TRRAP: variants seen among roughly 807,000 people sequenced by gnomAD.
The protein encoded by TRRAP is transformation/transcription domain associated protein.
Under a neutral mutation model 438.8 loss-of-function variants are expected in TRRAP, and 41 were observed. The ratio of observed to expected loss-of-function variants is 0.09; its 90% confidence interval spans 0.07 to 0.12. TRRAP has a LOEUF of 0.12. TRRAP is among the 10% of genes least tolerant of loss of function. TRRAP has a pLI of 1.00. For synonymous variants in TRRAP, 1,994 were observed against 1,962.9 expected, an observed-to-expected ratio of 1.02 and a Z score of -0.42; for missense variants, 3,122 against 5,055.1, an observed-to-expected ratio of 0.62 and a Z score of 11.60.
chr7:98,899,064 C>G (rs1376120773), intron 8 of TRRAP, among the ~76,000 whole-genome samples: 1 of 152,086 alleles, frequency 6.6e-6, no homozygotes, highest in African/African-American at 2.4e-5. Flanking sequence ...TGGTTCATGC[C>G]TGTAATCCCA....
rs782383344 is a variant in TRRAP, at chr7:98,915,758, G to A, written c.2235G>A (p.Glu745=). 1.2e-6 allele frequency: 2 copies of A among 1,614,006 alleles called. No individual in the cohort carries two copies. Among genetic ancestry groups the A allele is most frequent in the African/African-American group, 2.7e-5 (2 of 74,926 alleles). ...ACAAGATTGTGAACAGCTCTATGGA[G>A]CTCGCGCAGACTGCCAAGGAACCCT... The part of the protein sequence containing the change: ...HLHKIVNSSM[E]LAQTAKEPYN... The change falls in exon 19 of 73, where the codon GAG becomes GAA. Residue 745 remains glutamate (E), a synonymous_variant. Transcript: ENST00000456197.
Position 98,978,263 on chromosome 7 carries a change from G to A in TRRAP, c.8438G>A (p.Arg2813Lys), listed in dbSNP as rs1792760486. 4.3e-6 allele frequency: 7 copies of A among 1,614,192 alleles called. No homozygotes were observed. Among genetic ancestry groups the A allele is most frequent in the Non-Finnish European group, 5.9e-6 (7 of 1,180,046 alleles). Residue 2813 changes from arginine to lysine, a missense_variant, in exon 57 of 73, where the codon AGG (arginine) becomes AAG (lysine). Physicochemically the swap from Arg to Lys is conservative, Grantham distance 26 (BLOSUM62 2). Around this residue, in one of 24 missense-constraint regions of TRRAP, gnomAD observed 992 missense variants for 1,281.2 expected, o/e 0.77. Coordinates refer to ENST00000456197, the MANE Select transcript of TRRAP (RefSeq NM_001375524.1). The part of the protein sequence containing the change: ...AMDKAKKEHE[R>K]SNASPAIFPE... ...GATAAAGCCAAAAAAGAACATGAGA[G>A]GAGTAACGCCTCCCCTGCTATTTTC...
chr7:98,945,667 C>A, intron 31 of TRRAP, 80 bp from the exon 32 acceptor site: 1 of 1,535,362 alleles, frequency 6.5e-7, no homozygotes, highest in Non-Finnish European at 8.8e-7. Context: ...CCCAATAACC[C>A]TTACTGTGTT....
intron 1 of TRRAP, 24 bp from the exon 2 acceptor site, chr7:98,881,066 C>G: frequency 8.6e-7 from 1 of 1,158,222 alleles, no homozygotes; most frequent in Non-Finnish European, 1.2e-6. Flanking sequence ...CATAAATTGA[C>G]TAACTCTATG....
intron 44 of TRRAP, among the ~76,000 whole-genome samples, chr7:98,958,600 T>C (rs1791737384): frequency 6.6e-6 from 1 of 152,156 alleles, no homozygotes; most frequent in South Asian, 2.1e-4. Context: ...GTGCCTGGCC[T>C]GATAGGATTT....
In TRRAP at chr7:98,994,395, C is replaced by T. The variant is rs563000577; in HGVS notation, c.10048-192C>T. Among the ~76,000 whole-genome samples the T allele has an allele frequency of 7.7e-4, 118 of 152,346 alleles. No homozygotes were observed. Among genetic ancestry groups the T allele is most frequent in the Middle Eastern group, 3.4e-3 (1 of 294 alleles). ...CCTTACTCCCCAAGGTCAAAAGCGC[C>T]TGCTCCCATGTGGCATGCACAGGCG... On this transcript the variant is annotated intron_variant, in intron 66 of 72. Coordinates refer to ENST00000456197, the MANE Select transcript of TRRAP (RefSeq NM_001375524.1). The surrounding 1 kb of genome is among the most constrained non-coding windows in gnomAD (Gnocchi z 4.8).
chr7:98,910,618 G>C lies in TRRAP; in HGVS notation c.1812+11G>C, dbSNP rs1562937212. On this transcript the variant is annotated intron_variant, in intron 16 of 72. Coordinates refer to ENST00000456197, the MANE Select transcript of TRRAP (RefSeq NM_001375524.1). ...TTAGATATTTATCAGGTAAGGAAGT[G>C]CCCTCCAGCCAGGCTTTCGCATATG... 1 of 1,603,302 alleles carries C rather than the reference G, an allele frequency of 6.2e-7. No individual in the cohort carries two copies. Among genetic ancestry groups the C allele is most frequent in the Non-Finnish European group, 8.5e-7 (1 of 1,175,196 alleles).
Position 98,908,379 on chromosome 7 carries a change from G to C in TRRAP, c.1116-349G>C, listed in dbSNP as rs1796887259. On this transcript the variant is annotated intron_variant, in intron 13 of 72. Coordinates refer to ENST00000456197, the MANE Select transcript of TRRAP (RefSeq NM_001375524.1). This position sits in a 1 kb window ranked among gnomAD's most constrained non-coding sequence, Gnocchi z 4.1. ...CTGTAAAGTGGTCATCATATATAAA[G>C]ATTGATTGACCCGTCCTATTTATTT... Among the ~76,000 whole-genome samples the C allele has an allele frequency of 6.6e-6, 1 of 152,150 alleles. No individual in the cohort carries two copies. The highest frequency in any genetic ancestry group is 6.5e-5 in the Admixed American group (1 of 15,274).
At chr7:98,903,290 T>TAA in intron 11 of TRRAP, 89 bp from the exon 12 acceptor site, 1 of 1,539,138 alleles carries the variant, frequency 6.5e-7, no homozygotes, top group Non-Finnish European at 8.8e-7. Context: ...CCAAAGGTCT[T>TAA]ACTGAATTTT....
chr7:98,973,208 G>T (rs1032154932), intron 53 of TRRAP, among the ~76,000 whole-genome samples: 3 of 152,136 alleles, frequency 2.0e-5, no homozygotes, highest in African/African-American at 7.2e-5. Context: ...TTGAACTCCT[G>T]ACCTCAGGTG....
chr7:98,910,215 CCTGCCCCACCT>C lies in TRRAP; in HGVS notation c.1512_1522del (p.Ala505ThrfsTer64). ...CCCTGCTCCCTCCCCAGCCCCTGTC[CCTGCCCCACCT>C]CCACCCCCGCCCCCACCCCCACCTG... On this transcript the variant is annotated frameshift_variant, in exon 15 of 73. Transcript: ENST00000456197. LOFTEE classifies it high-confidence loss of function. 1 of 1,554,422 alleles carries C rather than the reference CCTGCCCCACCT, an allele frequency of 6.4e-7. No homozygotes were observed. The highest frequency in any genetic ancestry group is 2.3e-5 in the East Asian group (1 of 43,946).
intron 63 of TRRAP, among the ~76,000 whole-genome samples, chr7:98,989,822 G>A (rs766648962): frequency 9.2e-5 from 14 of 152,254 alleles, no homozygotes; most frequent in Admixed American, 2.6e-4. Flanking sequence ...ATGAGATCAT[G>A]AGTGTAGGTT....
intron 31 of TRRAP, among the ~76,000 whole-genome samples, chr7:98,944,466 G>A (rs1437406390): frequency 2.6e-5 from 4 of 152,152 alleles, no homozygotes; most frequent in Admixed American, 6.5e-5. Flanking sequence ...AGCTCCTCCT[G>A]GAACATTTTT....
intron 30 of TRRAP, among the ~76,000 whole-genome samples, chr7:98,942,059 T>C (rs1350179499): frequency 6.6e-6 from 1 of 152,222 alleles, no homozygotes; most frequent in Non-Finnish European, 1.5e-5. Context: ...TATTGAATGC[T>C]CTTCTTGTGG....
At chr7:98,901,778 GC>G (rs1796481056) in intron 11 of TRRAP, among the ~76,000 whole-genome samples, 1 of 152,148 alleles carries the variant, frequency 6.6e-6, no homozygotes, top group Non-Finnish European at 1.5e-5. Context: ...TGAACCCCTG[GC>G]CTCAAGTGAT....
chr7:98,976,399 G>A lies in TRRAP; in HGVS notation c.7960-84G>A. On this transcript the variant is annotated intron_variant, in intron 54 of 72. Coordinates refer to ENST00000456197, the MANE Select transcript of TRRAP (RefSeq NM_001375524.1). The surrounding 1 kb of genome is among the most constrained non-coding windows in gnomAD (Gnocchi z 4.6). Reference sequence around the variant, plus strand: ...CGCTGGCTGTCACTCGAGCGAATTAGGAAAGGTATTCTTGCATCGAGAGAG... The same window carrying A: ...CGCTGGCTGTCACTCGAGCGAATTAAGAAAGGTATTCTTGCATCGAGAGAG... 3 of 1,571,500 alleles carry A rather than the reference G, an allele frequency of 1.9e-6. No homozygotes were observed. Among genetic ancestry groups the A allele is most frequent in the Non-Finnish European group, 2.6e-6 (3 of 1,161,608 alleles).
rs561364732 is a variant in TRRAP, at chr7:98,977,321, C to G, written c.8385+245C>G. On this transcript the variant is annotated intron_variant, in intron 56 of 72. Coordinates refer to ENST00000456197, the MANE Select transcript of TRRAP (RefSeq NM_001375524.1). ...GGATTACAGGCGCCCACCACCATGC[C>G]CAGCTAATCTTTGTATTTTTAGTAG... Among the ~76,000 whole-genome samples, 23 of 152,234 alleles carry G rather than the reference C, an allele frequency of 1.5e-4. No individual in the cohort carries two copies. In the South Asian group the frequency reaches 4.8e-3, roughly 32 times the overall value.
intron 13 of TRRAP, among the ~76,000 whole-genome samples, chr7:98,906,661 G>A (rs1315552630): frequency 6.6e-6 from 1 of 151,982 alleles, no homozygotes; most frequent in African/African-American, 2.4e-5. Context: ...TTGAACTCCT[G>A]ACCTCAGGTG....
rs1554406327 is a variant in TRRAP, at chr7:98,899,663, G to T, written c.712-16G>T. ...CAGAGTGTCAATGTATGAAAATCTG[G>T]TATGTTTGCTTTTAGCTCTACAAAC... is the stretch of plus-strand genomic sequence containing the variant. On this transcript the variant is annotated splice_polypyrimidine_tract_variant and intron_variant, in intron 9 of 72. Coordinates refer to ENST00000456197, the MANE Select transcript of TRRAP (RefSeq NM_001375524.1). The T allele has an allele frequency of 1.2e-6, 2 of 1,614,052 alleles. No individual in the cohort carries two copies. The highest frequency in any genetic ancestry group is 1.7e-5 in the Admixed American group (1 of 60,004).
Sources: gnomAD v4.1 joint callset for allele counts (sites outside exome capture counted in the v4.1 genomes callset) on GRCh38, gnomAD v4.1.1 for gene constraint, gnomAD v4.1.1 regional missense constraint, Gnocchi (gnomAD v3.1) non-coding constraint, MANE v1.5 for transcripts, NCBI Gene and HGNC (gene_info 2026-07-23, HGNC 2026-07-21) for gene names.